The following MOCOS variants were observed in gnomAD, a reference collection of about 807,000 sequenced individuals.
The protein encoded by MOCOS is molybdenum cofactor sulfurase.
Under a neutral mutation model 83.6 loss-of-function variants are expected in MOCOS, and 86 were observed. The observed-to-expected ratio is 1.03, with a 90% CI of 0.86 to 1.23. The LOEUF is 1.23. MOCOS is among the 50% of genes most tolerant of loss of function. The probability of loss-of-function intolerance (pLI) is 0.00; values close to 1 mark genes in which losing one functional copy is unlikely to be tolerated. For synonymous variants in MOCOS, 445 were observed against 434.7 expected (o/e 1.02, Z -0.29); for missense variants, 1,120 against 1,126.9 (o/e 0.99, Z 0.09).
chr18:36,238,409 A>G (rs2091567888), intron 9 of MOCOS, among the ~76,000 whole-genome samples: 1 of 150,558 alleles, frequency 6.6e-6, no homozygotes, highest in Non-Finnish European at 1.5e-5. Flanking sequence ...GTCATTCAGG[A>G]GCCGGTTGTT....
intron 9 of MOCOS, among the ~76,000 whole-genome samples, chr18:36,226,230 T>G (rs1238541451): frequency 6.6e-6 from 1 of 152,166 alleles, no homozygotes; most frequent in Non-Finnish European, 1.5e-5. Flanking sequence ...TTATAATTGT[T>G]ATATACTCCT....
At chr18:36,198,940 G>A (rs187640553) in intron 3 of MOCOS, among the ~76,000 whole-genome samples, 184 bp downstream of exon 3, 2 of 152,340 alleles carry the variant, frequency 1.3e-5, no homozygotes, top group East Asian at 3.9e-4. Context: ...GTGAGTAGAT[G>A]CAGTGTGGGG....
At chr18:36,192,872 C>A (rs1286792430) in intron 1 of MOCOS, among the ~76,000 whole-genome samples, 3 of 152,116 alleles carry the variant, frequency 2.0e-5, no homozygotes, top group Non-Finnish European at 2.9e-5. Flanking sequence ...TGGTCTTGAA[C>A]TCCTGACCTC....
intron 9 of MOCOS, among the ~76,000 whole-genome samples, chr18:36,226,448 T>C (rs1360652104): frequency 6.6e-6 from 1 of 151,692 alleles, no homozygotes; most frequent in African/African-American, 2.4e-5. Flanking sequence ...CAGCATACAG[T>C]TGGGTTTTTT....
intron 9 of MOCOS, among the ~76,000 whole-genome samples, chr18:36,247,659 T>G (rs896508141): frequency 6.6e-6 from 1 of 152,240 alleles, no homozygotes; most frequent in African/African-American, 2.4e-5. Flanking sequence ...AATCTTTCCC[T>G]TGTCATCTGG....
chr18:36,194,781 C>G (rs67565204), intron 1 of MOCOS, among the ~76,000 whole-genome samples: 22,402 of 152,162 alleles, frequency 0.15, 1,869 homozygotes, highest in East Asian at 0.32. Context: ...ATTTGCATTT[C>G]TCTCAGAGAG....
intron 9 of MOCOS, among the ~76,000 whole-genome samples, chr18:36,221,634 G>A (rs1205464006): frequency 1.5e-5 from 2 of 134,250 alleles, no homozygotes; most frequent in Non-Finnish European, 3.3e-5. Flanking sequence ...GTTCTGTTCT[G>A]TTCTGTTCTG....
chr18:36,243,391 C>G lies in MOCOS; in HGVS notation c.1961-5531C>G, dbSNP rs145390098. Among the ~76,000 whole-genome samples the G allele has an allele frequency of 1.3e-3, 194 of 152,130 alleles. 1 individual carries two copies. The highest frequency in any genetic ancestry group is 6.8e-3 in the Middle Eastern group (2 of 294). On this transcript the variant is annotated intron_variant, in intron 9 of 14. Coordinates refer to ENST00000261326, the MANE Select transcript of MOCOS (RefSeq NM_017947.4). Reference sequence around the variant, plus strand: ...TAATCACATGATTTTTGTTTTTACTCCTGTTTATGTGGCATATCACATTTA... The same window carrying G: ...TAATCACATGATTTTTGTTTTTACTGCTGTTTATGTGGCATATCACATTTA...
chr18:36,224,519 T>C (rs527444900), intron 9 of MOCOS, among the ~76,000 whole-genome samples: 1 of 152,342 alleles, frequency 6.6e-6, no homozygotes, highest in Admixed American at 6.5e-5. Flanking sequence ...TGTCAAATGC[T>C]TTTTCTGTGT....
intron 9 of MOCOS, among the ~76,000 whole-genome samples, chr18:36,240,477 A>C (rs2091577254): frequency 1.3e-5 from 2 of 150,230 alleles, no homozygotes; most frequent in Admixed American, 6.7e-5. Flanking sequence ...CCACTTGAGG[A>C]GGCAGTCTGC....
chr18:36,260,783 C>T (rs975625552), intron 13 of MOCOS, among the ~76,000 whole-genome samples: 4 of 152,054 alleles, frequency 2.6e-5, no homozygotes, highest in Admixed American at 6.6e-5. Flanking sequence ...CAAGGCCCTA[C>T]GAGATCCCAT....
At chr18:36,264,048 G>A (rs191195807) in intron 13 of MOCOS, among the ~76,000 whole-genome samples, 2 of 152,164 alleles carry the variant, frequency 1.3e-5, no homozygotes, top group Admixed American at 1.3e-4. Context: ...GGTGGCTGGT[G>A]CCTGTAATCC....
chr18:36,251,051 T>C (rs2144140257), intron 10 of MOCOS, 108 bp from the exon 11 acceptor site: 3 of 1,367,096 alleles, frequency 2.2e-6, no homozygotes, highest in South Asian at 1.2e-5. Context: ...TCAGGGCTCA[T>C]GCAATGTTTT....
rs773446424 is a variant in MOCOS at position 36,266,844 on chromosome 18, T to C, written c.2505T>C (p.Arg835=). ...QHVFQKLSES[R]ETKVNFGMYL... is the part of the protein sequence containing the mutation. ...TTTTCCAAAAACTTTCTGAGAGTCGTGAAACAAAGGTAAGCGTGATTGCAA... is the reference window on the plus strand; with the variant it reads ...TTTTCCAAAAACTTTCTGAGAGTCGCGAAACAAAGGTAAGCGTGATTGCAA... Residue 835 remains arginine (R), a synonymous_variant, in exon 14 of 15, where the codon CGT becomes CGC. Transcript: ENST00000261326. The C allele has an allele frequency of 6.2e-7, 1 of 1,613,782 alleles. No individual in the cohort carries two copies. The highest frequency in any genetic ancestry group is 1.7e-5 in the Admixed American group (1 of 60,016).
intron 13 of MOCOS, among the ~76,000 whole-genome samples, chr18:36,265,248 A>AGCATGAGAT (rs1372370489): frequency 6.6e-6 from 1 of 152,236 alleles, no homozygotes; most frequent in Non-Finnish European, 1.5e-5. Context: ...GATCATGAAA[A>AGCATGAGAT]GCATGAGATG....
At chr18:36,205,016 A>AAAAAATATT in intron 5 of MOCOS, 61 bp from the exon 6 acceptor site, 1 of 1,242,584 alleles carries the variant, frequency 8.0e-7, no homozygotes, top group Non-Finnish European at 1.1e-6. Flanking sequence ...AAAAAAAAAA[A>AAAAAATATT]GAGTGAATTG....
chr18:36,216,102 A>T, intron 8 of MOCOS, 125 bp downstream of exon 8: 2 of 1,003,446 alleles, frequency 2.0e-6, no homozygotes, highest in Non-Finnish European at 2.9e-6. Flanking sequence ...GAGAAAAGCC[A>T]TTCTCACTCT....
intron 9 of MOCOS, among the ~76,000 whole-genome samples, chr18:36,222,607 T>TG (rs2091500542): frequency 6.7e-6 from 1 of 148,716 alleles, no homozygotes; most frequent in South Asian, 2.1e-4. Flanking sequence ...ATTTTTTAAT[T>TG]TTTTTTTTTT....
chr18:36,211,927 C>T (rs2091457201), intron 6 of MOCOS, among the ~76,000 whole-genome samples: 1 of 152,148 alleles, frequency 6.6e-6, no homozygotes, highest in Non-Finnish European at 1.5e-5. Flanking sequence ...TGGCTTTGTT[C>T]CCTGGGACAC....
Sources: gnomAD v4.1 joint callset for allele counts (sites outside exome capture counted in the v4.1 genomes callset) on GRCh38, gnomAD v4.1.1 for gene constraint, MANE v1.5 for transcripts, NCBI Gene and HGNC (gene_info 2026-07-23, HGNC 2026-07-21) for gene names.